EYS: variants seen among roughly 807,000 people sequenced by gnomAD.
The protein encoded by EYS is protein eyes shut homolog.
EYS carries 250 observed loss-of-function variants against 282.1 expected under a neutral mutation model. That is an observed-to-expected ratio of 0.89 (90% CI 0.80 to 0.98). The LOEUF (loss-of-function observed/expected upper bound fraction) is 0.98. Ranked by LOEUF, EYS falls within the 50% of genes least tolerant of loss-of-function variation. EYS has a pLI of 0.00. For missense variants in EYS, 4,016 were observed against 3,709.0 expected (o/e 1.08, Z -2.15); for synonymous variants, 1,355 against 1,282.9 (o/e 1.06, Z -1.20).
rs904753971 is a variant in EYS at position 63,729,775 on chromosome 6, C to A, written c.8072-3095G>T. On this transcript the variant is annotated intron_variant, in intron 41 of 42. Coordinates refer to ENST00000503581, the MANE Select transcript of EYS (RefSeq NM_001142800.2). ...CACCCTATCTCTCTAGCTTCATGTG[C>A]CCCTGTCTTATAAATTTTATAATTC... 2.0e-5 allele frequency among the ~76,000 whole-genome samples: 3 copies of A among 152,184 alleles called. No homozygotes were observed. In the South Asian group the frequency reaches 6.2e-4, roughly 32 times the overall value.
rs901443726 is a variant in EYS, at chr6:63,844,226, G to C, written c.7228+19960C>G. On this transcript the variant is annotated intron_variant, in intron 36 of 42. Transcript: ENST00000503581. ...CTGCATAGTAGCCCATAGTGTATATGTACCATATTTTCTCTATGCAGTCTA... is the reference window on the plus strand; with the variant it reads ...CTGCATAGTAGCCCATAGTGTATATCTACCATATTTTCTCTATGCAGTCTA... 3.3e-5 allele frequency among the ~76,000 whole-genome samples: 5 copies of C among 152,150 alleles called. 1 individual carries two copies. Among genetic ancestry groups the C allele is most frequent in the Admixed American group, 6.6e-5 (1 of 15,266 alleles).
At chr6:64,988,753 A>C (rs979252367) in intron 14 of EYS, among the ~76,000 whole-genome samples, 5 of 151,682 alleles carry the variant, frequency 3.3e-5, no homozygotes, top group African/African-American at 7.2e-5. Context: ...CAGTCTTCAT[A>C]ATAGGTATTT....
intron 1 of EYS, among the ~76,000 whole-genome samples, chr6:65,669,189 A>G (rs1768297591): frequency 6.6e-6 from 1 of 151,948 alleles, no homozygotes; most frequent in African/African-American, 2.4e-5. Flanking sequence ...AGGTAAAGAG[A>G]TGCTCTTGAG....
At chr6:63,926,721 G>A (rs889529345) in intron 35 of EYS, among the ~76,000 whole-genome samples, 3 of 152,166 alleles carry the variant, frequency 2.0e-5, no homozygotes, top group Non-Finnish European at 4.4e-5. Flanking sequence ...CATGGATAAT[G>A]TAGAGAGTTT....
intron 12 of EYS, among the ~76,000 whole-genome samples, chr6:65,081,658 T>C (rs1209768136): frequency 6.6e-6 from 1 of 152,058 alleles, no homozygotes; most frequent in African/African-American, 2.4e-5. Context: ...TTCTTTTTGA[T>C]TGGCAATATG....
At chr6:65,121,496 A>G (rs1379306042) in intron 12 of EYS, among the ~76,000 whole-genome samples, 1 of 150,884 alleles carries the variant, frequency 6.6e-6, no homozygotes, top group Non-Finnish European at 1.5e-5. Context: ...TTGTGTTTTC[A>G]TGAGTGTCTT....
In EYS at chr6:65,672,668, A is replaced by T. The variant is rs116760601; in HGVS notation, c.-447-32776T>A. ...GTCCTAAAGAAATGGAGATATATGA[A>T]TTACTCAACAAAAAATTCAAAATTA... On this transcript the variant is annotated intron_variant, in intron 1 of 42. Coordinates refer to ENST00000503581, the MANE Select transcript of EYS (RefSeq NM_001142800.2). Among the ~76,000 whole-genome samples the T allele has an allele frequency of 6.4e-3, 967 of 152,266 alleles. 13 individuals carry two copies. Among genetic ancestry groups the T allele is most frequent in the African/African-American group, 0.022 (911 of 41,568 alleles).
chr6:65,032,588 T>C (rs1454389787), intron 13 of EYS, among the ~76,000 whole-genome samples: 6 of 152,192 alleles, frequency 3.9e-5, no homozygotes, highest in Non-Finnish European at 2.9e-5. Flanking sequence ...AATTGTTAGC[T>C]TCTTGAGGCC....
At chr6:65,112,182 A>G (rs1775232597) in intron 12 of EYS, among the ~76,000 whole-genome samples, 2 of 152,138 alleles carry the variant, frequency 1.3e-5, no homozygotes, top group African/African-American at 4.8e-5. Flanking sequence ...ACTGGATACT[A>G]ATAATCATGA....
intron 41 of EYS, among the ~76,000 whole-genome samples, chr6:63,727,737 A>AAATATATATATATATATATATATATAT (rs1554164607): frequency 2.7e-5 from 1 of 36,738 alleles, no homozygotes; most frequent in Admixed American, 3.9e-4. Flanking sequence ...AAAAAAAAAA[A>AAATATATATATATATATATATATATAT]ATATATATAT....
chr6:65,239,793 C>T (rs894835310), intron 12 of EYS, among the ~76,000 whole-genome samples: 2 of 151,924 alleles, frequency 1.3e-5, no homozygotes, highest in Admixed American at 6.6e-5. Context: ...ATACAAAATA[C>T]TAATACCATA....
chr6:64,661,541 GA>G (rs1263243447), intron 22 of EYS, among the ~76,000 whole-genome samples: 2 of 151,970 alleles, frequency 1.3e-5, no homozygotes, highest in African/African-American at 4.8e-5. Flanking sequence ...AAATTGACAA[GA>G]AAAAAACAAC....
chr6:65,295,891 G>T lies in EYS; in HGVS notation c.1995C>A (p.Phe665Leu). Residue 665 changes from phenylalanine (F) to leucine (L), a missense_variant, in exon 12 of 43, where the codon TTC becomes TTA. Coordinates refer to ENST00000503581, the MANE Select transcript of EYS (RefSeq NM_001142800.2). ...TAAATCCTGGGACACACTTGCGGAAGAAATATCCCCTTAAATGTGTACTAG... is the reference window on the plus strand; with the variant it reads ...TAAATCCTGGGACACACTTGCGGAATAAATATCCCCTTAAATGTGTACTAG... ...GTTSTHLRGY[F>L]FRKCVPGFKG... 1 of 1,549,104 alleles carries T rather than the reference G, an allele frequency of 6.5e-7. No individual in the cohort carries two copies. The highest frequency in any genetic ancestry group is 1.2e-5 in the South Asian group (1 of 83,366).
chr6:65,536,405 A>C (rs1767965594), intron 2 of EYS, among the ~76,000 whole-genome samples: 1 of 151,902 alleles, frequency 6.6e-6, no homozygotes, highest in African/African-American at 2.4e-5. Context: ...TCTAGGTGAC[A>C]CCTTTATCAA....
chr6:65,690,030 T>A (rs1441629521), intron 1 of EYS, among the ~76,000 whole-genome samples: 1 of 149,802 alleles, frequency 6.7e-6, no homozygotes, highest in African/African-American at 2.4e-5. Flanking sequence ...GGATTTAGGG[T>A]CATTTCATTA....
At chr6:65,610,041 G>A (rs1022830088) in intron 2 of EYS, among the ~76,000 whole-genome samples, 1 of 152,002 alleles carries the variant, frequency 6.6e-6, no homozygotes, top group African/African-American at 2.4e-5. Context: ...TGGGACTACA[G>A]GTGCATGCCA....
intron 36 of EYS, among the ~76,000 whole-genome samples, chr6:63,848,240 TAA>T (rs1047143091): frequency 1.3e-5 from 2 of 152,166 alleles, no homozygotes; most frequent in African/African-American, 4.8e-5. Context: ...TCCATAGTCT[TAA>T]ACATTGTATT....
In EYS at chr6:65,402,715, G is replaced by C. The variant is rs1766565720; in HGVS notation, c.1057-110C>G. 1.1e-5 allele frequency: 8 copies of C among 701,126 alleles called. No individual in the cohort carries two copies. In the South Asian group the frequency reaches 1.2e-4, roughly 10 times the overall value. The allele number at this position is 701,126 out of a possible 1,614,324, so 43.4% of individuals were successfully genotyped here. A position where few individuals can be genotyped will look rare whatever the true frequency, so the allele number is the denominator to read the frequency against. ...AAATTATTTTCATGAACTTGGAGTA[G>C]AAATTATCTGTCAGCAATGTGGCAG... On this transcript the variant is annotated intron_variant, in intron 6 of 42. Coordinates refer to ENST00000503581, the MANE Select transcript of EYS (RefSeq NM_001142800.2).
intron 21 of EYS, chr6:64,815,112 C>A: frequency 3.3e-6 from 1 of 307,202 alleles, no homozygotes. Flanking sequence ...TATAATATTC[C>A]AGTCATGCCT....
Sources: gnomAD v4.1 joint callset for allele counts (sites outside exome capture counted in the v4.1 genomes callset) on GRCh38, gnomAD v4.1.1 for gene constraint, MANE v1.5 for transcripts, NCBI Gene and HGNC (gene_info 2026-07-23, HGNC 2026-07-21) for gene names.